The following CDH22 variants were observed in gnomAD, a reference collection of about 807,000 sequenced individuals.
CDH22 encodes the protein cadherin 22.
In CDH22, 30 loss-of-function variants were observed where a neutral mutation model predicts 58.4. The observed-to-expected ratio is 0.51, with a 90% CI of 0.38 to 0.70. The LOEUF is 0.70. CDH22 is among the 30% of genes least tolerant of loss of function. CDH22 has a pLI of 0.00. For missense variants in CDH22, 1,014 were observed against 1,233.9 expected, an observed-to-expected ratio of 0.82 and a Z score of 2.67; for synonymous variants, 513 against 558.2, an observed-to-expected ratio of 0.92 and a Z score of 1.14.
intron 5 of CDH22, among the ~76,000 whole-genome samples, chr20:46,215,562 ATATTAGGGC>A (rs2086077842): frequency 6.6e-6 from 1 of 152,336 alleles, no homozygotes; most frequent in South Asian, 2.1e-4. Context: ...AGGAAAGGGC[ATATTAGGGC>A]TTCTGGGGTC....
intron 1 of CDH22, among the ~76,000 whole-genome samples, chr20:46,302,108 A>G (rs992972739): frequency 6.6e-6 from 1 of 152,184 alleles, no homozygotes; most frequent in Admixed American, 6.5e-5. Flanking sequence ...TCACACCCAA[A>G]TTTAATTCAG....
Position 46,241,258 on chromosome 20 carries a change from C to T in CDH22, c.256-1G>A. The T allele has an allele frequency of 6.3e-7, 1 of 1,590,398 alleles. No individual in the cohort carries two copies. Among genetic ancestry groups the T allele is most frequent in the Non-Finnish European group, 8.6e-7 (1 of 1,165,064 alleles). ...CACCCTCGTCTGAGTCGGAGTGGAT[C>T]TGGGTAGGCAGAGAAGAAGGCAAGG... On this transcript the variant is annotated splice_acceptor_variant, in intron 2 of 11. Coordinates refer to ENST00000537909, the MANE Select transcript of CDH22 (RefSeq NM_021248.3). LOFTEE classifies it high-confidence loss of function. The surrounding 1 kb of genome is among the most constrained non-coding windows in gnomAD (Gnocchi z 5.2).
chr20:46,283,978 G>T (rs1276347110), intron 1 of CDH22, among the ~76,000 whole-genome samples: 1 of 152,196 alleles, frequency 6.6e-6, no homozygotes, highest in Non-Finnish European at 1.5e-5. Context: ...GTGGGAGAAT[G>T]AAGGTAATTA....
At chr20:46,234,090 A>G (rs528632278) in intron 3 of CDH22, among the ~76,000 whole-genome samples, 1 of 152,240 alleles carries the variant, frequency 6.6e-6, no homozygotes, top group African/African-American at 2.4e-5. Flanking sequence ...CAAGCACCGA[A>G]TTTAAGAATC....
At chr20:46,178,249 C>T (rs1463349957) in intron 10 of CDH22, 52 bp from the exon 11 acceptor site, 1 of 1,578,594 alleles carries the variant, frequency 6.3e-7, no homozygotes, top group Non-Finnish European at 8.6e-7. Context: ...GGTCAGCATC[C>T]TTGTCCTAGC....
chr20:46,178,586 CTTTTTTT>C (rs33937889), intron 10 of CDH22, among the ~76,000 whole-genome samples: 4 of 95,376 alleles, frequency 4.2e-5, no homozygotes, highest in East Asian at 2.9e-4. Context: ...CTGGCGTTGT[CTTTTTTT>C]TTTTTTTTTT....
At chr20:46,304,518 CTATT>C (rs2086665997) in intron 1 of CDH22, among the ~76,000 whole-genome samples, 1 of 152,226 alleles carries the variant, frequency 6.6e-6, no homozygotes, top group African/African-American at 2.4e-5. Flanking sequence ...GCTTAATCAT[CTATT>C]TATATTATGC....
intron 1 of CDH22, among the ~76,000 whole-genome samples, chr20:46,279,412 A>G (rs952212805): frequency 6.6e-6 from 1 of 152,200 alleles, no homozygotes; most frequent in Non-Finnish European, 1.5e-5. Flanking sequence ...GTGGACAAAT[A>G]AAATGGAGTG....
chr20:46,175,317 G>A (rs2085730635), intron 11 of CDH22, among the ~76,000 whole-genome samples: 1 of 152,164 alleles, frequency 6.6e-6, no homozygotes, highest in African/African-American at 2.4e-5. Flanking sequence ...AGATTACTCT[G>A]GGGTGGAGGT....
At chr20:46,227,447 G>T in intron 4 of CDH22, 61 bp downstream of exon 4, 1 of 1,419,482 alleles carries the variant, frequency 7.0e-7, no homozygotes, top group Non-Finnish European at 9.6e-7. Context: ...GGTGGTCCTC[G>T]TCCCGCCCCG....
intron 3 of CDH22, among the ~76,000 whole-genome samples, chr20:46,237,323 G>T (rs1384918829): frequency 1.3e-5 from 2 of 152,138 alleles, no homozygotes; most frequent in Non-Finnish European, 2.9e-5. Context: ...AGGCCCCCCG[G>T]CACACTTCCC....
intron 1 of CDH22, among the ~76,000 whole-genome samples, chr20:46,268,976 T>G (rs2425823): frequency 1.3e-5 from 2 of 152,102 alleles, no homozygotes; most frequent in South Asian, 4.1e-4. Flanking sequence ...TCTCAGCCCC[T>G]GCTTACATTC....
chr20:46,291,944 T>C (rs1423803048), intron 1 of CDH22, among the ~76,000 whole-genome samples: 2 of 152,210 alleles, frequency 1.3e-5, no homozygotes, highest in African/African-American at 4.8e-5. Flanking sequence ...GCACTCTTTA[T>C]TCCCAGTTGT....
chr20:46,210,278 C>A lies in CDH22; in HGVS notation c.1286+29G>T. 1 of 1,376,616 alleles carries A rather than the reference C, an allele frequency of 7.3e-7. No homozygotes were observed. Among genetic ancestry groups the A allele is most frequent in the Non-Finnish European group, 9.3e-7 (1 of 1,070,952 alleles). 85.3% of individuals were successfully genotyped at this position (1,376,616 alleles called of 1,614,324 possible). A position where few individuals can be genotyped will look rare whatever the true frequency, so the allele number is the denominator to read the frequency against. On this transcript the variant is annotated intron_variant, in intron 7 of 11. Transcript: ENST00000537909. The surrounding 1 kb of genome is among the most constrained non-coding windows in gnomAD (Gnocchi z 4.5). ...GGGGTGATGGCGGGATAGCAGGCAG[C>A]AGGCGTCGGCCCCGGGCGGGGGTCT...
intron 1 of CDH22, among the ~76,000 whole-genome samples, chr20:46,285,428 G>C (rs968137526): frequency 6.6e-6 from 1 of 152,172 alleles, no homozygotes; most frequent in Non-Finnish European, 1.5e-5. Context: ...CATTTGCAAC[G>C]TCTGGAGACA....
At chr20:46,282,148 A>T (rs1296007342) in intron 1 of CDH22, among the ~76,000 whole-genome samples, 1 of 152,180 alleles carries the variant, frequency 6.6e-6, no homozygotes, top group African/African-American at 2.4e-5. Flanking sequence ...TTGAAAAAAT[A>T]ATTATTGAGT....
At chr20:46,240,914 T>C in intron 3 of CDH22, 49 bp downstream of exon 3, 1 of 1,524,134 alleles carries the variant, frequency 6.6e-7, no homozygotes, top group Non-Finnish European at 9.0e-7. Flanking sequence ...CAGGCTCCAC[T>C]TGGGGATCAC....
intron 1 of CDH22, among the ~76,000 whole-genome samples, chr20:46,274,035 T>G (rs1439250047): frequency 6.6e-6 from 1 of 152,234 alleles, no homozygotes; most frequent in East Asian, 1.9e-4. Context: ...AGTATTTCCC[T>G]TAGTTTAAAA....
intron 10 of CDH22, among the ~76,000 whole-genome samples, chr20:46,185,130 TACACAC>T (rs11467388): frequency 0.28 from 41,997 of 148,576 alleles, 5,828 homozygotes; most frequent in African/African-American, 0.3. Flanking sequence ...CCCACACGCA[TACACAC>T]ACACACACAC....
Sources: allele counts gnomAD v4.1 joint callset (sites outside exome capture counted in the v4.1 genomes callset), GRCh38; gene constraint gnomAD v4.1.1; non-coding constraint Gnocchi (gnomAD v3.1); transcripts MANE v1.5; gene names NCBI Gene and HGNC (gene_info 2026-07-23, HGNC 2026-07-21).